Variants in SGIP1 observed in about 807,000 individuals in gnomAD.
The protein encoded by SGIP1 is SH3-containing GRB2-like protein 3-interacting protein 1.
Under a neutral mutation model 107.5 loss-of-function variants are expected in SGIP1, and 38 were observed. The ratio of observed to expected loss-of-function variants is 0.35; its 90% confidence interval spans 0.27 to 0.46. SGIP1 has a LOEUF of 0.46. Ranked by LOEUF, SGIP1 falls within the 20% of genes least tolerant of loss-of-function variation. The pLI, the probability that SGIP1 is intolerant of heterozygous loss-of-function variation, is 1.00. For missense variants in SGIP1, 929 were observed against 1,019.5 expected, an observed-to-expected ratio of 0.91 and a Z score of 1.21; for synonymous variants, 365 against 366.1, an observed-to-expected ratio of 1.00 and a Z score of 0.03.
chr1:66,557,506 T>C (rs1406837262), intron 1 of SGIP1, among the ~76,000 whole-genome samples: 1 of 152,108 alleles, frequency 6.6e-6, no homozygotes, highest in Non-Finnish European at 1.5e-5. Context: ...TTCTCTATCC[T>C]CTCCTACACA....
intron 1 of SGIP1, among the ~76,000 whole-genome samples, chr1:66,570,673 A>G (rs910345440): frequency 6.6e-6 from 1 of 151,954 alleles, no homozygotes; most frequent in Admixed American, 6.6e-5. Context: ...TGTGCTAAGC[A>G]CTAAGGATTT....
intron 23 of SGIP1, 122 bp downstream of exon 23, chr1:66,740,844 C>T (rs950256939): frequency 2.7e-5 from 18 of 656,160 alleles, no homozygotes; most frequent in South Asian, 4.0e-5. Flanking sequence ...TCCATTTTTG[C>T]GTTTACTTAT....
chr1:66,627,508 G>A (rs1246060698), intron 2 of SGIP1, among the ~76,000 whole-genome samples: 1 of 152,160 alleles, frequency 6.6e-6, no homozygotes, highest in Non-Finnish European at 1.5e-5. Context: ...TCCATAGGCA[G>A]TGGGCCACCT....
rs569618464 is a variant in SGIP1 at position 66,747,424 on chromosome 1, G to T, written c.*4329G>T. 6.6e-6 allele frequency: 1 copy of T among 151,846 alleles called. No individual in the cohort carries two copies. Among genetic ancestry groups the T allele is most frequent in the South Asian group, 2.1e-4 (1 of 4,804 alleles). 9.4% of individuals were successfully genotyped at this position (151,846 alleles called of 1,614,324 possible). On this transcript the variant is annotated 3_prime_UTR_variant, in exon 25 of 25. Coordinates refer to ENST00000371037, the MANE Select transcript of SGIP1 (RefSeq NM_032291.4). ...GGAAAATCCCTATCTTTTTCTTAAA[G>T]TTACTCTGTTATACTATCTCAGTCT... is the stretch of plus-strand genomic sequence containing the variant.
At chr1:66,569,400 C>T (rs2060083259) in intron 1 of SGIP1, among the ~76,000 whole-genome samples, 1 of 151,612 alleles carries the variant, frequency 6.6e-6, no homozygotes, top group African/African-American at 2.4e-5. Context: ...TGAGGTGGTT[C>T]TCCTCTATTC....
chr1:66,646,979 C>T (rs532828666), intron 7 of SGIP1, among the ~76,000 whole-genome samples: 1 of 152,160 alleles, frequency 6.6e-6, no homozygotes, highest in African/African-American at 2.4e-5. Context: ...ACCAAGCTTA[C>T]AGGGCAAAGA....
In SGIP1 at chr1:66,745,163, CA is replaced by C. The variant is rs1465296710; in HGVS notation, c.*2070del. ...TCTAGAATGAATTAGTAATTAAACA[CA>C]AGGGTTTTTTTCCCAAAAAATAATT... On this transcript the variant is annotated 3_prime_UTR_variant, in exon 25 of 25. Coordinates refer to ENST00000371037, the MANE Select transcript of SGIP1 (RefSeq NM_032291.4). The C allele has an allele frequency of 2.0e-5, 3 of 151,642 alleles. No homozygotes were observed. Among genetic ancestry groups the C allele is most frequent in the Non-Finnish European group, 4.4e-5 (3 of 67,812 alleles). 9.4% of individuals were successfully genotyped at this position (151,642 alleles called of 1,614,324 possible). A position where few individuals can be genotyped will look rare whatever the true frequency, so the allele number is the denominator to read the frequency against.
intron 1 of SGIP1, among the ~76,000 whole-genome samples, chr1:66,593,999 A>G (rs1357988800): frequency 6.6e-6 from 1 of 152,250 alleles, no homozygotes; most frequent in Non-Finnish European, 1.5e-5. Context: ...ATTACAAGAA[A>G]TGAAATAAGA....
Position 66,685,827 on chromosome 1 carries a change from T to C in SGIP1, c.1316-3321T>C, listed in dbSNP as rs564991303. Among the ~76,000 whole-genome samples the C allele has an allele frequency of 4.6e-5, 7 of 152,360 alleles. No individual in the cohort carries two copies. In the South Asian group the frequency reaches 1.4e-3, roughly 32 times the overall value. On this transcript the variant is annotated intron_variant, in intron 15 of 24. Coordinates refer to ENST00000371037, the MANE Select transcript of SGIP1 (RefSeq NM_032291.4). ...CTATATGTGGCTAGCAACTATCTTA[T>C]TAGACAGTTCTAGAATATTTTCACC...
At chr1:66,564,212 A>G (rs1304120717) in intron 1 of SGIP1, among the ~76,000 whole-genome samples, 3 of 151,930 alleles carry the variant, frequency 2.0e-5, no homozygotes, top group African/African-American at 4.8e-5. Context: ...CACTCTATCA[A>G]TGGTGATTTC....
intron 9 of SGIP1, among the ~76,000 whole-genome samples, chr1:66,670,757 T>G (rs540565753): frequency 3.9e-5 from 6 of 152,354 alleles, no homozygotes; most frequent in Non-Finnish European, 7.4e-5. Context: ...AAGGGGTTTT[T>G]CTTCTTCAGA....
intron 7 of SGIP1, among the ~76,000 whole-genome samples, chr1:66,656,559 A>T (rs991764163): frequency 1.3e-5 from 2 of 152,200 alleles, no homozygotes; most frequent in Non-Finnish European, 2.9e-5. Context: ...CAACTCTGTC[A>T]TAATCTTATG....
At chr1:66,637,834 TACATACAC>T (rs1291170158) in intron 4 of SGIP1, among the ~76,000 whole-genome samples, 1 of 149,988 alleles carries the variant, frequency 6.7e-6, no homozygotes, top group Non-Finnish European at 1.5e-5. Context: ...TGTGTACATA[TACATACAC>T]ACATATATAC....
intron 1 of SGIP1, among the ~76,000 whole-genome samples, chr1:66,573,042 TG>T (rs2060591826): frequency 6.6e-6 from 1 of 151,960 alleles, no homozygotes; most frequent in Admixed American, 6.6e-5. Context: ...AATGTTTGCC[TG>T]GAGGTGGGAG....
At chr1:66,726,588 A>G (rs2181625) in intron 19 of SGIP1, among the ~76,000 whole-genome samples, 40,883 of 152,090 alleles carry the variant, frequency 0.27, 5,706 homozygotes, top group South Asian at 0.32. Flanking sequence ...ACTCACACAG[A>G]TAAGGGCAAT....
rs147284377 is a variant in SGIP1, at chr1:66,573,102, G to A, written c.10+38734G>A. The stretch of plus-strand genomic sequence containing the variant: ...CTTCTAATTGGTGTAGGGTTTCTTC[G>A]TGGAGTGATTAAAATGTTCCAGAAT... On this transcript the variant is annotated intron_variant, in intron 1 of 24. Transcript: ENST00000371037. 3.8e-3 allele frequency among the ~76,000 whole-genome samples: 574 copies of A among 152,070 alleles called. 2 individuals are homozygous for A. Among genetic ancestry groups the A allele is most frequent in the African/African-American group, 0.011 (459 of 41,490 alleles).
At chr1:66,555,993 A>G (rs1420586519) in intron 1 of SGIP1, among the ~76,000 whole-genome samples, 4 of 152,172 alleles carry the variant, frequency 2.6e-5, no homozygotes, top group Non-Finnish European at 4.4e-5. Context: ...CAGATGTGCA[A>G]TCATTAGCAT....
At chr1:66,552,415 G>T (rs2057552001) in intron 1 of SGIP1, among the ~76,000 whole-genome samples, 1 of 152,002 alleles carries the variant, frequency 6.6e-6, no homozygotes, top group African/African-American at 2.4e-5. Context: ...CCATCACACT[G>T]CTCCCCCTTT....
intron 1 of SGIP1, among the ~76,000 whole-genome samples, chr1:66,571,653 A>G (rs999047984): frequency 6.6e-6 from 1 of 152,176 alleles, no homozygotes; most frequent in East Asian, 1.9e-4. Flanking sequence ...ACTCTTAAAA[A>G]TAATCTGCAA....
Sources: gnomAD v4.1 joint callset for allele counts (sites outside exome capture counted in the v4.1 genomes callset) on GRCh38, gnomAD v4.1.1 for gene constraint, MANE v1.5 for transcripts, NCBI Gene and HGNC (gene_info 2026-07-23, HGNC 2026-07-21) for gene names.